CRACR2A: variants seen among roughly 807,000 people sequenced by gnomAD.
The protein encoded by CRACR2A is EF-hand calcium-binding domain-containing protein 4B.
In CRACR2A, 79 loss-of-function variants were observed where a neutral mutation model predicts 90.5. That is an observed-to-expected ratio of 0.87 (90% CI 0.73 to 1.05). CRACR2A has a LOEUF of 1.05. Ranked by LOEUF, CRACR2A falls within the 50% of genes least tolerant of loss-of-function variation. The probability of loss-of-function intolerance (pLI) is 0.00; values close to 1 mark genes in which losing one functional copy is unlikely to be tolerated. For synonymous variants in CRACR2A, 338 were observed against 356.7 expected (o/e 0.95, Z 0.59); for missense variants, 823 against 897.2 (o/e 0.92, Z 1.06).
intron 12 of CRACR2A, among the ~76,000 whole-genome samples, chr12:3,643,901 A>G (rs1944634506): frequency 8.6e-6 from 1 of 115,854 alleles, no homozygotes; most frequent in African/African-American, 3.3e-5. Context: ...TATAATATAT[A>G]TTATATATAT....
At chr12:3,619,214 C>T (rs1470161130) in intron 18 of CRACR2A, 57 bp downstream of exon 18, 3 of 1,451,814 alleles carry the variant, frequency 2.1e-6, no homozygotes, top group South Asian at 2.5e-5. Context: ...TGGGCACTTG[C>T]CCAACTTCCC....
At chr12:3,729,438 C>T (rs1483633672) in intron 2 of CRACR2A, 1 of 152,236 alleles carries the variant, frequency 6.6e-6, no homozygotes, top group African/African-American at 2.4e-5. Flanking sequence ...GGTAAGCTGG[C>T]TCATGCATGT....
chr12:3,629,977 A>G (rs935202502), intron 15 of CRACR2A, among the ~76,000 whole-genome samples: 1 of 152,122 alleles, frequency 6.6e-6, no homozygotes, highest in African/African-American at 2.4e-5. Context: ...GACTACCACC[A>G]GTTCTGAAAT....
intron 6 of CRACR2A, 35 bp downstream of exon 6, chr12:3,678,880 T>C: frequency 6.4e-7 from 1 of 1,568,446 alleles, no homozygotes; most frequent in Non-Finnish European, 8.6e-7. Context: ...CCTACCAGGC[T>C]GGTCTCCGTT....
rs1017139526 is a variant in CRACR2A at position 3,662,338 on chromosome 12, G to A, written c.672-2684C>T. ...ATACCAGTCATGTCACTAAACCAGC[G>A]CAGGGACGAGAAGACTTGCATTCTG... On this transcript the variant is annotated intron_variant, in intron 7 of 19. Transcript: ENST00000440314. Among the ~76,000 whole-genome samples the A allele has an allele frequency of 3.9e-5, 6 of 152,214 alleles. No individual in the cohort carries two copies. In the East Asian group the frequency reaches 7.7e-4, roughly 20 times the overall value.
intron 15 of CRACR2A, among the ~76,000 whole-genome samples, chr12:3,632,110 A>C (rs1297088390): frequency 1.3e-5 from 2 of 152,062 alleles, no homozygotes. Flanking sequence ...CTCATGAAGG[A>C]GTTCTCACGA....
chr12:3,625,575 T>A (rs1201415442), intron 17 of CRACR2A, among the ~76,000 whole-genome samples: 1 of 149,022 alleles, frequency 6.7e-6, no homozygotes, highest in Non-Finnish European at 1.5e-5. Flanking sequence ...CCTGGAGAAG[T>A]TAGGCCTTCC....
intron 4 of CRACR2A, among the ~76,000 whole-genome samples, chr12:3,681,566 G>T (rs912839139): frequency 2.0e-5 from 3 of 152,206 alleles, no homozygotes; most frequent in Admixed American, 2.0e-4. Flanking sequence ...GTCTCCAAAT[G>T]AGAACTCCCC....
intron 7 of CRACR2A, among the ~76,000 whole-genome samples, chr12:3,669,191 A>G (rs1323259681): frequency 2.0e-5 from 3 of 152,192 alleles, no homozygotes; most frequent in Non-Finnish European, 1.5e-5. Context: ...AGACAAGTGA[A>G]CTGGTGCCCC....
intron 12 of CRACR2A, 122 bp downstream of exon 12, chr12:3,644,473 G>A (rs540901295): frequency 1.1e-5 from 12 of 1,049,818 alleles, no homozygotes; most frequent in South Asian, 5.5e-5. Flanking sequence ...TTTTCATGCC[G>A]TCATCCTGCC....
At chr12:3,695,418 T>C (rs938692892) in intron 4 of CRACR2A, among the ~76,000 whole-genome samples, 2 of 152,144 alleles carry the variant, frequency 1.3e-5, no homozygotes, top group Admixed American at 6.5e-5. Flanking sequence ...TTGGGCTCAA[T>C]TGTGGGCTGA....
Position 3,627,579 on chromosome 12 carries a change from T to C in CRACR2A, c.1818-29A>G, listed in dbSNP as rs10848894. 0.65 allele frequency: 1,005,977 copies of C among 1,551,200 alleles called. 327,628 individuals are homozygous for C. The highest frequency in any genetic ancestry group is 0.77 in the African/African-American group (56,612 of 73,094). On this transcript the variant is annotated intron_variant, in intron 16 of 19. Coordinates refer to ENST00000440314, the MANE Select transcript of CRACR2A (RefSeq NM_001144958.2). ...CCACAGAAGGGCCACGGGTCAGGCA[T>C]GCACGGCCTTCCCTCTGGAGCCCAG...
chr12:3,665,836 T>A (rs1201147876), intron 7 of CRACR2A, among the ~76,000 whole-genome samples: 1 of 152,144 alleles, frequency 6.6e-6, no homozygotes, highest in Non-Finnish European at 1.5e-5. Flanking sequence ...CATTGAAAAG[T>A]GTTGATGAAG....
intron 14 of CRACR2A, among the ~76,000 whole-genome samples, chr12:3,635,208 C>G (rs1174333457): frequency 6.6e-6 from 1 of 152,130 alleles, no homozygotes; most frequent in African/African-American, 2.4e-5. Context: ...ACAGGGGCAG[C>G]AAACTCTCAG....
chr12:3,649,231 A>AAG (rs1944751863), intron 10 of CRACR2A, among the ~76,000 whole-genome samples: 1 of 142,520 alleles, frequency 7.0e-6, no homozygotes, highest in Admixed American at 7.7e-5. Context: ...AAAGTATAAC[A>AAG]ATAATAAGAT....
At chr12:3,632,102 C>T (rs190509718) in intron 15 of CRACR2A, among the ~76,000 whole-genome samples, 24 of 152,276 alleles carry the variant, frequency 1.6e-4, no homozygotes, top group Admixed American at 1.4e-3. Context: ...GTGCTGTCCT[C>T]ATGAAGGAGT....
intron 4 of CRACR2A, among the ~76,000 whole-genome samples, chr12:3,691,594 G>GA (rs962375676): frequency 2.0e-5 from 3 of 152,042 alleles, no homozygotes; most frequent in Admixed American, 6.5e-5. Flanking sequence ...TTCAATCTTG[G>GA]AAAATCTGAT....
chr12:3,705,555 G>T (rs1276693058), intron 3 of CRACR2A, among the ~76,000 whole-genome samples: 2 of 152,198 alleles, frequency 1.3e-5, no homozygotes, highest in African/African-American at 4.8e-5. Flanking sequence ...GCATCTCCAG[G>T]ATCCATTGAC....
intron 4 of CRACR2A, among the ~76,000 whole-genome samples, chr12:3,681,724 T>G (rs144003373): frequency 6.6e-6 from 1 of 152,138 alleles, no homozygotes; most frequent in African/African-American, 2.4e-5. Flanking sequence ...ACCTCAACAA[T>G]AAAAAAGAGC....
Sources: gnomAD v4.1 joint callset for allele counts (sites outside exome capture counted in the v4.1 genomes callset) on GRCh38, gnomAD v4.1.1 for gene constraint, MANE v1.5 for transcripts, NCBI Gene and HGNC (gene_info 2026-07-23, HGNC 2026-07-21) for gene names.